FKBP7: variants seen among roughly 807,000 people sequenced by gnomAD.
The protein encoded by FKBP7 is peptidyl-prolyl cis-trans isomerase FKBP7.
In FKBP7, 24 loss-of-function variants were observed where a neutral mutation model predicts 24.3. The ratio of observed to expected loss-of-function variants is 0.99; its 90% CI spans 0.72 to 1.39. The LOEUF (loss-of-function observed/expected upper bound fraction) is 1.39. Ranked by LOEUF, FKBP7 falls within the 40% of genes most tolerant of loss-of-function variation. The pLI is 0.00. For synonymous variants in FKBP7, 98 were observed against 92.8 expected, an observed-to-expected ratio of 1.06 and a Z score of -0.32; for missense variants, 257 against 269.5, an observed-to-expected ratio of 0.95 and a Z score of 0.33.
At chr2:178,476,927 T>C (rs969357373) in intron 2 of FKBP7, 135 bp downstream of exon 2, 21 of 632,124 alleles carry the variant, frequency 3.3e-5, no homozygotes, top group Middle Eastern at 8.4e-4. Context: ...CTATTGTACA[T>C]GGCTGCTATG....
chr2:178,478,570 C>T lies in FKBP7; in HGVS notation c.-71G>A, dbSNP rs1215469338. 1 of 1,591,664 alleles carries T rather than the reference C, an allele frequency of 6.3e-7. No homozygotes were observed. Among genetic ancestry groups the T allele is most frequent in the Non-Finnish European group, 8.5e-7 (1 of 1,171,382 alleles). Reference sequence around the variant, plus strand: ...CCCGTGGATGTCCCGCGGCCGAGTTCCGACGCGTGGCAGGCGTTGTCCTGC... The same window carrying T: ...CCCGTGGATGTCCCGCGGCCGAGTTTCGACGCGTGGCAGGCGTTGTCCTGC... On this transcript the variant is annotated 5_prime_UTR_variant, in exon 1 of 4. Transcript: ENST00000424785.
At chr2:178,475,214 A>C (rs1012000373) in intron 2 of FKBP7, among the ~76,000 whole-genome samples, 4 of 151,942 alleles carry the variant, frequency 2.6e-5, no homozygotes, top group African/African-American at 9.7e-5. Context: ...GAACTATTGG[A>C]TAAGAAGGCA....
At chr2:178,476,427 A>G (rs1685002505) in intron 2 of FKBP7, among the ~76,000 whole-genome samples, 1 of 152,232 alleles carries the variant, frequency 6.6e-6, no homozygotes, top group Admixed American at 6.5e-5. Flanking sequence ...GTACGCTTAC[A>G]CTACCATGCA....
chr2:178,478,247 T>A, intron 1 of FKBP7, 32 bp downstream of exon 1: 1 of 1,611,994 alleles, frequency 6.2e-7, no homozygotes, highest in South Asian at 1.1e-5. Context: ...TTTGTGCAAC[T>A]GGACGCACGG....
chr2:178,469,970 T>C lies in FKBP7; in HGVS notation c.374-185A>G, dbSNP rs7582280. ...GGCTTTTCAATAGTTTTCTTTTTTG[T>C]TTTTTTTTCTCTTTTTTTTATAAAT... On this transcript the variant is annotated intron_variant, in intron 2 of 3. Coordinates refer to ENST00000424785, the MANE Select transcript of FKBP7 (RefSeq NM_181342.3). Among the ~76,000 whole-genome samples, 1,469 of 151,178 alleles carry C rather than the reference T, an allele frequency of 9.7e-3. 20 individuals are homozygous for C. The highest frequency in any genetic ancestry group is 0.034 in the African/African-American group (1,401 of 41,244).
chr2:178,477,006 C>G, intron 2 of FKBP7, 56 bp downstream of exon 2: 1 of 1,305,004 alleles, frequency 7.7e-7, no homozygotes, highest in Non-Finnish European at 1.1e-6. Context: ...ACCCAGAAAT[C>G]TATTAATCAT....
intron 3 of FKBP7, among the ~76,000 whole-genome samples, chr2:178,468,870 T>TC (rs1382473988): frequency 1.4e-5 from 2 of 142,730 alleles, no homozygotes; most frequent in East Asian, 4.0e-4. Context: ...TATTATTATC[T>TC]TTTTTTTTTT....
chr2:178,477,269 T>C, intron 1 of FKBP7, 56 bp from the exon 2 acceptor site: 1 of 1,563,308 alleles, frequency 6.4e-7, no homozygotes, highest in East Asian at 2.3e-5. Context: ...AACTTGAAAA[T>C]ACAGCTGGGC....
At chr2:178,472,535 C>G (rs575741224) in intron 2 of FKBP7, among the ~76,000 whole-genome samples, 70 of 151,724 alleles carry the variant, frequency 4.6e-4, no homozygotes, top group Non-Finnish European at 7.5e-4. Context: ...AGTGCAATGG[C>G]GCGATCTCGG....
intron 2 of FKBP7, among the ~76,000 whole-genome samples, chr2:178,471,503 G>A (rs747428856): frequency 6.6e-6 from 1 of 152,150 alleles, no homozygotes; most frequent in Non-Finnish European, 1.5e-5. Context: ...GTGAGTCACC[G>A]TGCCAGGCCA....
chr2:178,475,621 T>A (rs1345498753), intron 2 of FKBP7, among the ~76,000 whole-genome samples: 1 of 152,230 alleles, frequency 6.6e-6, no homozygotes, highest in Admixed American at 6.5e-5. Context: ...TTTGCCAAGT[T>A]GTTTTGTGTT....
chr2:178,474,992 A>G (rs1684960707), intron 2 of FKBP7, among the ~76,000 whole-genome samples: 1 of 152,118 alleles, frequency 6.6e-6, no homozygotes, highest in South Asian at 2.1e-4. Context: ...CCTGGCCTCC[A>G]CTTTATTTTT....
At chr2:178,470,055 G>A (rs927982652) in intron 2 of FKBP7, among the ~76,000 whole-genome samples, 1 of 150,324 alleles carries the variant, frequency 6.7e-6, no homozygotes, top group African/African-American at 2.5e-5. Flanking sequence ...AAGGACCTAT[G>A]GGACCACTAT....
In FKBP7 at chr2:178,465,748, A is replaced by G; in HGVS notation, c.*22T>C. ...TAAAGTACAGTAAATAGCTAAAAAA[A>G]AAAAGTAGAAATACAAATATGCTAT... On this transcript the variant is annotated 3_prime_UTR_variant, in exon 4 of 4. Transcript: ENST00000424785. 6.5e-7 allele frequency: 1 copy of G among 1,542,198 alleles called. No homozygotes were observed. The highest frequency in any genetic ancestry group is 8.7e-7 in the Non-Finnish European group (1 of 1,148,328).
chr2:178,465,491 T>G lies in FKBP7; in HGVS notation c.*279A>C, dbSNP rs950066214. ...ATACTATACATGTCCTCCTACATCC[T>G]GAAAGGGGAAAAAATGCCCACTGGG... On this transcript the variant is annotated 3_prime_UTR_variant, in exon 4 of 4. Transcript: ENST00000424785. 2 of 233,504 alleles carry G rather than the reference T, an allele frequency of 8.6e-6. No homozygotes were observed. The highest frequency in any genetic ancestry group is 1.6e-5 in the Non-Finnish European group (2 of 122,546). The allele number at this position is 233,504 out of a possible 1,614,324, so 14.5% of individuals were successfully genotyped here.
chr2:178,471,414 T>C (rs950872583), intron 2 of FKBP7, among the ~76,000 whole-genome samples: 2 of 152,114 alleles, frequency 1.3e-5, no homozygotes, highest in South Asian at 2.1e-4. Context: ...GGTTTCACCA[T>C]GTTGGCCAGG....
At chr2:178,477,431 A>G (rs1685042335) in intron 1 of FKBP7, among the ~76,000 whole-genome samples, 1 of 152,096 alleles carries the variant, frequency 6.6e-6, no homozygotes, top group Non-Finnish European at 1.5e-5. Flanking sequence ...TCATTTTTTA[A>G]AATTGTTATC....
intron 3 of FKBP7, among the ~76,000 whole-genome samples, chr2:178,467,492 G>C (rs1250682178): frequency 6.6e-6 from 1 of 151,896 alleles, no homozygotes; most frequent in Non-Finnish European, 1.5e-5. Flanking sequence ...TTTGCTGTGT[G>C]GTCTTCTGCA....
At chr2:178,469,557 T>C (rs1227462924) in intron 3 of FKBP7, 95 bp downstream of exon 3, 8 of 1,302,600 alleles carry the variant, frequency 6.1e-6, no homozygotes, top group Non-Finnish European at 7.7e-6. Flanking sequence ...TCAGAGCCCA[T>C]GCTAGCTAGA....
Sources: allele counts gnomAD v4.1 joint callset (sites outside exome capture counted in the v4.1 genomes callset), GRCh38; gene constraint gnomAD v4.1.1; transcripts MANE v1.5; gene names NCBI Gene and HGNC (gene_info 2026-07-23, HGNC 2026-07-21).